The following ATP2C2 variants were observed in gnomAD, a reference collection of about 807,000 sequenced individuals.
The protein encoded by ATP2C2 is ATPase secretory pathway Ca2+ transporting 2.
ATP2C2 carries 171 observed loss-of-function variants against 110.8 expected under a neutral mutation model. The ratio of observed to expected loss-of-function variants is 1.54; its 90% CI spans 1.36 to 1.75. The LOEUF (loss-of-function observed/expected upper bound fraction) is 1.75, where lower values mean the gene tolerates loss of function less well. Ranked by LOEUF, ATP2C2 falls within the 40% of genes most tolerant of loss-of-function variation. The probability of loss-of-function intolerance (pLI) is 0.00; values close to 1 mark genes in which losing one functional copy is unlikely to be tolerated. For synonymous variants in ATP2C2, 804 were observed against 508.4 expected (o/e 1.58, Z -7.82); for missense variants, 1,963 against 1,235.0 (o/e 1.59, Z -8.84).
intron 11 of ATP2C2, among the ~76,000 whole-genome samples, chr16:84,435,410 G>C (rs1013694014): frequency 6.6e-6 from 1 of 152,206 alleles, no homozygotes; most frequent in Non-Finnish European, 1.5e-5. Context: ...GCCAACCCAG[G>C]TGGAGTGCTC....
intron 1 of ATP2C2, among the ~76,000 whole-genome samples, chr16:84,387,720 C>T (rs1192880699): frequency 1.3e-5 from 2 of 152,138 alleles, no homozygotes; most frequent in Non-Finnish European, 2.9e-5. Context: ...TAAGACTTTG[C>T]TGGGTTGGCC....
chr16:84,451,869 C>T (rs374708167), intron 17 of ATP2C2, 52 bp from the exon 18 acceptor site: 27 of 1,536,864 alleles, frequency 1.8e-5, no homozygotes, highest in African/African-American at 1.4e-4. Context: ...CAACAAAAAA[C>T]GACGGCCCCT....
At chr16:84,459,426 C>T (rs3743654) in intron 23 of ATP2C2, 40 bp downstream of exon 23, 804,771 of 1,605,462 alleles carry the variant, frequency 0.5, 204,560 homozygotes, top group East Asian at 0.74. Context: ...TCTCTTTACC[C>T]ACCTGCGGGG....
At position 84,402,220 on chromosome 16, in the gene ATP2C2, G is replaced by T. The variant is rs186412352; in HGVS notation, c.211-2908G>T. On this transcript the variant is annotated intron_variant, in intron 2 of 26. Transcript: ENST00000262429. ...TGTTTATGAGTTCTAATAGCTTTAG[G>T]TGGAGTCTTTAGGTTTTTTCAGATA... Among the ~76,000 whole-genome samples, 6 of 152,276 alleles carry T rather than the reference G, an allele frequency of 3.9e-5. No individual in the cohort carries two copies. The East Asian group carries it at 1.2e-3, about 29-fold the overall frequency.
chr16:84,433,882 C>G (rs1255741439), intron 11 of ATP2C2, among the ~76,000 whole-genome samples: 1 of 152,176 alleles, frequency 6.6e-6, no homozygotes, highest in African/African-American at 2.4e-5. Flanking sequence ...GGTTTCTTGT[C>G]CTAACCTCCC....
At chr16:84,382,061 G>A (rs564765746) in intron 1 of ATP2C2, among the ~76,000 whole-genome samples, 5 of 152,212 alleles carry the variant, frequency 3.3e-5, no homozygotes, top group East Asian at 3.9e-4. Flanking sequence ...AGGTATCCAC[G>A]TGCCATGGTG....
At chr16:84,460,966 G>GGACT in intron 24 of ATP2C2, 165 bp downstream of exon 24, 1 of 1,035,844 alleles carries the variant, frequency 9.7e-7, no homozygotes, top group Non-Finnish European at 1.3e-6. Flanking sequence ...TGAGGCAAAG[G>GGACT]GACTGGGTGA....
Position 84,446,404 on chromosome 16 carries a change from G to A in ATP2C2, c.1477G>A (p.Ala493Thr). 6.2e-7 allele frequency: 1 copy of A among 1,604,964 alleles called. No individual in the cohort carries two copies. Among genetic ancestry groups the A allele is most frequent in the Middle Eastern group, 1.7e-4 (1 of 6,004 alleles). The change falls in exon 16 of 27, where the codon GCG becomes ACG. Residue 493 changes from alanine (A) to threonine (T), a missense_variant. Transcript: ENST00000262429. ...ATTCAGTTCAGAGCAGAAGTGGATG[G>A]CGGTGAAATGCAGTCTGAAGACTGA... ...IPFSSEQKWM[A>T]VKCSLKTEDQ... is the part of the protein sequence containing the mutation.
intron 9 of ATP2C2, 98 bp downstream of exon 9, chr16:84,422,795 G>A (rs1471703002): frequency 1.6e-6 from 2 of 1,277,064 alleles, no homozygotes; most frequent in Non-Finnish European, 1.1e-6. Context: ...AGGAATGAGT[G>A]GCATGTGGTT....
At chr16:84,446,223 T>G (rs930440990) in intron 15 of ATP2C2, 106 bp from the exon 16 acceptor site, 1 of 542,652 alleles carries the variant, frequency 1.8e-6, no homozygotes, top group East Asian at 3.4e-5. Flanking sequence ...TTGGATTTCT[T>G]ATCTGCCAGA....
intron 1 of ATP2C2, among the ~76,000 whole-genome samples, chr16:84,384,627 C>T (rs540399379): frequency 4.6e-5 from 7 of 152,270 alleles, no homozygotes; most frequent in African/African-American, 1.2e-4. Flanking sequence ...ATCTGATTCT[C>T]GTTTTATTTT....
chr16:84,438,480 C>A lies in ATP2C2; in HGVS notation c.987-686C>A, dbSNP rs1567724250. ...ACACCCAGAGAAGGGGTATCATGTG[C>A]TGCAGCCCCAGTCTCATTTCCAAGA... On this transcript the variant is annotated intron_variant, in intron 11 of 26. Coordinates refer to ENST00000262429, the MANE Select transcript of ATP2C2 (RefSeq NM_014861.4). Among the ~76,000 whole-genome samples, 3 of 152,342 alleles carry A rather than the reference C, an allele frequency of 2.0e-5. No individual in the cohort carries two copies. The South Asian group carries it at 6.2e-4, about 32-fold the overall frequency.
intron 1 of ATP2C2, among the ~76,000 whole-genome samples, chr16:84,387,113 T>C (rs900892115): frequency 6.8e-6 from 1 of 147,214 alleles, no homozygotes; most frequent in African/African-American, 2.5e-5. Flanking sequence ...CATGCCGCGC[T>C]CTGAGAACCT....
intron 26 of ATP2C2, among the ~76,000 whole-genome samples, chr16:84,463,274 TCAG>T (rs1173950652): frequency 1.3e-5 from 2 of 151,948 alleles, no homozygotes; most frequent in East Asian, 3.9e-4. Context: ...GACTGGTCAC[TCAG>T]GACATTTGCA....
chr16:84,417,409 A>G (rs1361148383), intron 7 of ATP2C2, among the ~76,000 whole-genome samples: 1 of 152,212 alleles, frequency 6.6e-6, no homozygotes, highest in East Asian at 1.9e-4. Context: ...TATTGTGAAG[A>G]TGAAACAAGC....
At chr16:84,461,961 A>G (rs369745844) in intron 25 of ATP2C2, 27 bp from the exon 26 acceptor site, 3 of 1,610,818 alleles carry the variant, frequency 1.9e-6, no homozygotes, top group East Asian at 2.2e-5. Context: ...ACAGCACACA[A>G]TCCCCCGTGT....
chr16:84,384,238 C>A (rs1567686526), intron 1 of ATP2C2, among the ~76,000 whole-genome samples: 1 of 152,208 alleles, frequency 6.6e-6, no homozygotes, highest in African/African-American at 2.4e-5. Flanking sequence ...TTGCCACGTC[C>A]CTCTGTTTCT....
intron 19 of ATP2C2, 29 bp from the exon 20 acceptor site, chr16:84,453,292 T>A: frequency 6.2e-7 from 1 of 1,614,112 alleles, no homozygotes; most frequent in Non-Finnish European, 8.5e-7. Context: ...TGAAATCTGA[T>A]TCTTCGTCTT....
At chr16:84,462,704 G>C (rs1157408131) in intron 26 of ATP2C2, 2 of 153,144 alleles carry the variant, frequency 1.3e-5, no homozygotes, top group African/African-American at 2.4e-5. Context: ...CATGGGGCAA[G>C]GGGAGGGAGC....
Sources: allele counts gnomAD v4.1 joint callset (sites outside exome capture counted in the v4.1 genomes callset), GRCh38; gene constraint gnomAD v4.1.1; transcripts MANE v1.5; gene names NCBI Gene and HGNC (gene_info 2026-07-23, HGNC 2026-07-21).